Variants in SLC39A11 observed in about 807,000 individuals in gnomAD.
SLC39A11 encodes the protein zinc transporter ZIP11.
SLC39A11 carries 33 observed loss-of-function variants against 36.1 expected under a neutral mutation model. That is an observed-to-expected ratio of 0.91 (90% CI 0.69 to 1.22). SLC39A11 has a LOEUF of 1.22. Ranked by LOEUF, SLC39A11 falls within the 50% of genes most tolerant of loss-of-function variation. The pLI, the probability that SLC39A11 is intolerant of heterozygous loss-of-function variation, is 0.00. For missense variants in SLC39A11, 432 were observed against 430.3 expected (o/e 1.00, Z -0.03); for synonymous variants, 166 against 170.3 (o/e 0.97, Z 0.20).
At chr17:72,853,268 TCCA>T (rs1483591766) in intron 5 of SLC39A11, among the ~76,000 whole-genome samples, 1 of 151,072 alleles carries the variant, frequency 6.6e-6, no homozygotes, top group Admixed American at 6.6e-5. Flanking sequence ...ACTCAAGCGA[TCCA>T]CCTGCCTTGG....
At chr17:73,070,827 C>G (rs186180517) in intron 3 of SLC39A11, among the ~76,000 whole-genome samples, 2 of 152,200 alleles carry the variant, frequency 1.3e-5, no homozygotes, top group Non-Finnish European at 2.9e-5. Context: ...CCATGTCAGA[C>G]ATGCCTTTCA....
intron 4 of SLC39A11, among the ~76,000 whole-genome samples, chr17:73,000,540 C>T (rs144917606): frequency 1.3e-5 from 2 of 152,284 alleles, no homozygotes; most frequent in African/African-American, 4.8e-5. Flanking sequence ...GGGTGTTACT[C>T]TTGGAAGCTG....
At chr17:72,660,031 C>T (rs933020515) in intron 7 of SLC39A11, among the ~76,000 whole-genome samples, 24 of 152,156 alleles carry the variant, frequency 1.6e-4, no homozygotes, top group African/African-American at 5.3e-4. Context: ...CCTATACTAT[C>T]TTTGGGAGGC....
At chr17:72,867,115 G>A (rs756578266) in intron 5 of SLC39A11, among the ~76,000 whole-genome samples, 5 of 152,200 alleles carry the variant, frequency 3.3e-5, no homozygotes, top group Non-Finnish European at 7.3e-5. Flanking sequence ...TAACATTAAA[G>A]CATTCTAAGG....
At chr17:72,946,518 C>T (rs1178985316) in intron 5 of SLC39A11, among the ~76,000 whole-genome samples, 2 of 152,120 alleles carry the variant, frequency 1.3e-5, no homozygotes, top group Non-Finnish European at 2.9e-5. Flanking sequence ...AATTAAAATG[C>T]CAGCATGGAA....
chr17:73,035,925 G>T (rs2058898210), intron 3 of SLC39A11, among the ~76,000 whole-genome samples: 2 of 142,000 alleles, frequency 1.4e-5, no homozygotes, highest in African/African-American at 5.3e-5. Flanking sequence ...GATAACAAAA[G>T]CAGAGGCTAT....
At chr17:72,741,769 A>G (rs1179362758) in intron 6 of SLC39A11, among the ~76,000 whole-genome samples, 1 of 152,180 alleles carries the variant, frequency 6.6e-6, no homozygotes. Flanking sequence ...TCCGAGGCCC[A>G]GGGTGTTGGT....
intron 7 of SLC39A11, among the ~76,000 whole-genome samples, chr17:72,702,699 G>T (rs1424900709): frequency 6.6e-6 from 1 of 152,094 alleles, no homozygotes; most frequent in Non-Finnish European, 1.5e-5. Flanking sequence ...CACTTTGGGA[G>T]GCTGAGGCGG....
intron 4 of SLC39A11, among the ~76,000 whole-genome samples, chr17:73,006,146 C>T (rs2090167410): frequency 6.6e-6 from 1 of 152,088 alleles, no homozygotes; most frequent in East Asian, 1.9e-4. Context: ...TGTTCCAACA[C>T]ATGGATAAGG....
intron 7 of SLC39A11, among the ~76,000 whole-genome samples, chr17:72,722,459 G>A (rs1267284460): frequency 6.6e-6 from 1 of 152,022 alleles, no homozygotes; most frequent in African/African-American, 2.4e-5. Context: ...TGACAAACCA[G>A]GTATTATTAT....
In SLC39A11 at chr17:72,675,023, A is replaced by G. The variant is rs529256933; in HGVS notation, c.672-25755T>C. On this transcript the variant is annotated intron_variant, in intron 7 of 9. Transcript: ENST00000255559. Reference sequence around the variant, plus strand: ...GTGTGTGAGACACAGAGACAGAAAGAGAGAGAGAAAGTTTATCCATCTATC... The same window carrying G: ...GTGTGTGAGACACAGAGACAGAAAGGGAGAGAGAAAGTTTATCCATCTATC... 4.6e-5 allele frequency among the ~76,000 whole-genome samples: 7 copies of G among 151,858 alleles called. No individual in the cohort carries two copies. In the South Asian group the frequency reaches 1.5e-3, roughly 32 times the overall value.
intron 5 of SLC39A11, among the ~76,000 whole-genome samples, chr17:72,936,584 C>T (rs12950760): frequency 6.6e-6 from 1 of 152,040 alleles, no homozygotes; most frequent in Non-Finnish European, 1.5e-5. Context: ...GATCTGAAGA[C>T]CTGAGAAAAA....
chr17:73,013,778 C>T (rs1478592890), intron 4 of SLC39A11, among the ~76,000 whole-genome samples: 1 of 152,010 alleles, frequency 6.6e-6, no homozygotes, highest in Non-Finnish European at 1.5e-5. Flanking sequence ...ATTGGACACA[C>T]TTGCTGTAAA....
intron 5 of SLC39A11, among the ~76,000 whole-genome samples, chr17:72,853,007 T>TTTAA (rs56332942): frequency 0.5 from 75,924 of 151,382 alleles, 19,604 homozygotes; most frequent in Middle Eastern, 0.58. Context: ...CTTGCAGACT[T>TTTAA]TTGATTGATT....
At chr17:72,966,733 C>A (rs2087012336) in intron 4 of SLC39A11, among the ~76,000 whole-genome samples, 1 of 152,130 alleles carries the variant, frequency 6.6e-6, no homozygotes, top group Non-Finnish European at 1.5e-5. Context: ...CCACGCCCAG[C>A]TAATTTTTTG....
At chr17:72,863,551 G>A (rs1020191854) in intron 5 of SLC39A11, among the ~76,000 whole-genome samples, 16 of 152,216 alleles carry the variant, frequency 1.1e-4, no homozygotes, top group Admixed American at 9.2e-4. Context: ...CGCCTGTCAC[G>A]TTTTCTTGAA....
chr17:73,076,450 T>C (rs1004958851), intron 3 of SLC39A11, among the ~76,000 whole-genome samples: 7 of 152,242 alleles, frequency 4.6e-5, no homozygotes, highest in African/African-American at 1.7e-4. Flanking sequence ...AATATGTCAC[T>C]GCAGCATTAT....
rs367641582 is a variant in SLC39A11 at position 72,716,992 on chromosome 17, T to TACACACAC, written c.671+19650_671+19657dup. On this transcript the variant is annotated intron_variant, in intron 7 of 9. Coordinates refer to ENST00000255559, the MANE Select transcript of SLC39A11 (RefSeq NM_139177.4). Reference sequence around the variant, plus strand: ...TCAAAAAAAAAAAAATATATATATATACACACACACACACACACACACACA... The same window carrying TACACACAC: ...TCAAAAAAAAAAAAATATATATATATACACACACACACACACACACACACACACACACA... Among the ~76,000 whole-genome samples the TACACACAC allele has an allele frequency of 1.4e-4, 18 of 126,464 alleles. No homozygotes were observed. In the South Asian group the frequency reaches 1.4e-3, roughly 10 times the overall value. 83.0% of individuals were successfully genotyped at this position (126,464 alleles called of 152,430 possible).
intron 6 of SLC39A11, among the ~76,000 whole-genome samples, chr17:72,809,932 T>G (rs1423028854): frequency 6.6e-6 from 1 of 151,830 alleles, no homozygotes; most frequent in Non-Finnish European, 1.5e-5. Context: ...TAGCCAGGCG[T>G]GGGCACCTAT....
Sources: allele counts gnomAD v4.1 joint callset (sites outside exome capture counted in the v4.1 genomes callset), GRCh38; gene constraint gnomAD v4.1.1; transcripts MANE v1.5; gene names NCBI Gene and HGNC (gene_info 2026-07-23, HGNC 2026-07-21).